The following SMAP1 variants were observed in gnomAD, a reference collection of about 807,000 sequenced individuals.
SMAP1 encodes the protein small ArfGAP 1, also known as stromal membrane-associated protein 1.
Under a neutral mutation model 58.5 loss-of-function variants are expected in SMAP1, and 24 were observed. That is an observed-to-expected ratio of 0.41 (90% CI 0.30 to 0.58). The LOEUF is 0.58. Ranked by LOEUF, SMAP1 falls within the 20% of genes least tolerant of loss-of-function variation. The pLI is 0.29. For synonymous variants in SMAP1, 216 were observed against 196.6 expected, an observed-to-expected ratio of 1.10 and a Z score of -0.82; for missense variants, 563 against 566.3, an observed-to-expected ratio of 0.99 and a Z score of 0.06.
At chr6:70,794,844 A>G (rs1768532694) in intron 5 of SMAP1, among the ~76,000 whole-genome samples, 1 of 139,064 alleles carries the variant, frequency 7.2e-6, no homozygotes, top group South Asian at 2.2e-4. Flanking sequence ...GTTGGAGTGC[A>G]GTGGCACGAT....
chr6:70,794,853 A>G (rs911818361), intron 5 of SMAP1, among the ~76,000 whole-genome samples: 2 of 141,770 alleles, frequency 1.4e-5, no homozygotes, highest in African/African-American at 5.4e-5. Flanking sequence ...CAGTGGCACG[A>G]TCTCAGCTCA....
chr6:70,832,469 T>C (rs559092260), intron 6 of SMAP1, among the ~76,000 whole-genome samples: 22 of 152,368 alleles, frequency 1.4e-4, no homozygotes, highest in African/African-American at 5.3e-4. Flanking sequence ...TATTAGGGGA[T>C]TGCATGTTTT....
intron 6 of SMAP1, among the ~76,000 whole-genome samples, chr6:70,813,666 A>G (rs118060630): frequency 0.023 from 3,573 of 152,204 alleles, 52 homozygotes; most frequent in Non-Finnish European, 0.037. Flanking sequence ...TTAAACTTGT[A>G]GTGTTCTAGA....
chr6:70,732,211 CAT>C (rs753520811), intron 1 of SMAP1, among the ~76,000 whole-genome samples, 165 bp from the exon 2 acceptor site: 3 of 152,148 alleles, frequency 2.0e-5, no homozygotes, highest in Non-Finnish European at 2.9e-5. Context: ...TGCCAAGACA[CAT>C]GTCTTCTTAG....
chr6:70,717,335 C>G (rs190274466), intron 1 of SMAP1, among the ~76,000 whole-genome samples: 4 of 152,172 alleles, frequency 2.6e-5, no homozygotes, highest in East Asian at 1.9e-4. Flanking sequence ...GGAAAACTCA[C>G]GAATACCAAG....
chr6:70,773,865 G>A lies in SMAP1; in HGVS notation c.414+440G>A, dbSNP rs530984106. Among the ~76,000 whole-genome samples the A allele has an allele frequency of 2.5e-4, 38 of 152,264 alleles. 1 individual carries two copies. In the South Asian group the frequency reaches 7.9e-3, roughly 32 times the overall value. ...TGGCATTTACATTTGTTATTAGCAA[G>A]CATTTTGATACTCCTAATAGTTAAG... On this transcript the variant is annotated intron_variant, in intron 4 of 10. Coordinates refer to ENST00000370455, the MANE Select transcript of SMAP1 (RefSeq NM_001044305.3).
intron 6 of SMAP1, among the ~76,000 whole-genome samples, chr6:70,833,247 A>G (rs1049243615): frequency 5.3e-5 from 8 of 152,232 alleles, no homozygotes; most frequent in African/African-American, 1.4e-4. Context: ...GTTTACAATT[A>G]TCAGTGAAGA....
chr6:70,829,972 G>A (rs1026858746), intron 6 of SMAP1, among the ~76,000 whole-genome samples: 1 of 152,130 alleles, frequency 6.6e-6, no homozygotes, highest in African/African-American at 2.4e-5. Context: ...ATTCTGTGGG[G>A]TAGCGTTAAT....
Position 70,793,114 on chromosome 6 carries a change from A to T in SMAP1, c.495+1345A>T, listed in dbSNP as rs529352851. Among the ~76,000 whole-genome samples, 470 of 152,196 alleles carry T rather than the reference A, an allele frequency of 3.1e-3. 3 individuals are homozygous for T. The highest frequency in any genetic ancestry group is 6.3e-3 in the African/African-American group (263 of 41,520). On this transcript the variant is annotated intron_variant, in intron 5 of 10. Transcript: ENST00000370455. ...CAGTGGCGCGATCTCGGCTTACTGCAGCCTCCATCACCTGGGTTCAAGCGA... is the reference window on the plus strand; with the variant it reads ...CAGTGGCGCGATCTCGGCTTACTGCTGCCTCCATCACCTGGGTTCAAGCGA...
At chr6:70,797,642 A>G (rs1582208333) in intron 5 of SMAP1, among the ~76,000 whole-genome samples, 3 of 152,200 alleles carry the variant, frequency 2.0e-5, no homozygotes, top group Admixed American at 1.3e-4. Flanking sequence ...GGAATTGCCA[A>G]TATTATATTT....
chr6:70,808,146 C>T (rs1430516892), intron 6 of SMAP1, among the ~76,000 whole-genome samples: 1 of 152,098 alleles, frequency 6.6e-6, no homozygotes, highest in East Asian at 1.9e-4. Flanking sequence ...GCTGGTCTTC[C>T]TGTCTCAGAG....
At chr6:70,699,573 A>G (rs143950987) in intron 1 of SMAP1, among the ~76,000 whole-genome samples, 1 of 150,880 alleles carries the variant, frequency 6.6e-6, no homozygotes, top group East Asian at 2.0e-4. Context: ...ATTCCACTTA[A>G]TGCACTGTTC....
Position 70,861,466 on chromosome 6 carries a change from T to TA in SMAP1, c.*1133dup, listed in dbSNP as rs1201863705. ...ATGCAGAACAAATGAAGACAAAACA[T>TA]ACATTTTGTACCAACCATCCAATTA... On this transcript the variant is annotated 3_prime_UTR_variant, in exon 11 of 11. Coordinates refer to ENST00000370455, the MANE Select transcript of SMAP1 (RefSeq NM_001044305.3). 1 of 575,020 alleles carries TA rather than the reference T, an allele frequency of 1.7e-6. No individual in the cohort carries two copies. Among genetic ancestry groups the TA allele is most frequent in the Non-Finnish European group, 3.1e-6 (1 of 323,126 alleles). The allele number at this position is 575,020 out of a possible 1,614,324, so 35.6% of individuals were successfully genotyped here. A position where few individuals can be genotyped will look rare whatever the true frequency, so the allele number is the denominator to read the frequency against.
chr6:70,753,371 T>C (rs1439386127), intron 2 of SMAP1, among the ~76,000 whole-genome samples: 4 of 152,166 alleles, frequency 2.6e-5, no homozygotes, highest in African/African-American at 9.6e-5. Flanking sequence ...CAGTGAACTG[T>C]ATCTGAATTA....
At chr6:70,819,980 C>T (rs1196789815) in intron 6 of SMAP1, among the ~76,000 whole-genome samples, 2 of 152,164 alleles carry the variant, frequency 1.3e-5, no homozygotes, top group Admixed American at 6.5e-5. Flanking sequence ...GCTTCAGTCC[C>T]ACTGTCTGCT....
chr6:70,817,046 T>G lies in SMAP1; in HGVS notation c.576+18309T>G, dbSNP rs547526572. 2.0e-5 allele frequency among the ~76,000 whole-genome samples: 3 copies of G among 151,554 alleles called. No homozygotes were observed. The South Asian group carries it at 6.2e-4, about 32-fold the overall frequency. On this transcript the variant is annotated intron_variant, in intron 6 of 10. Transcript: ENST00000370455. ...CAGTTCCATCTCTTCCCACTTCCAA[T>G]CGGTAGATTTTAGTGACAGGACCCC... is the stretch of plus-strand genomic sequence containing the variant.
intron 7 of SMAP1, among the ~76,000 whole-genome samples, chr6:70,844,354 TGTG>T (rs1770911786): frequency 6.6e-6 from 1 of 152,216 alleles, no homozygotes; most frequent in Non-Finnish European, 1.5e-5. Context: ...TGCATGTGTG[TGTG>T]GTGTCTTCTG....
At position 70,860,597 on chromosome 6, in the gene SMAP1, C is replaced by G. The variant is rs1771676104; in HGVS notation, c.*263C>G. 2 of 432,444 alleles carry G rather than the reference C, an allele frequency of 4.6e-6. No individual in the cohort carries two copies. The highest frequency in any genetic ancestry group is 4.1e-5 in the African/African-American group (2 of 49,324). The allele number at this position is 432,444 out of a possible 1,614,324, so 26.8% of individuals were successfully genotyped here. The stretch of plus-strand genomic sequence containing the variant: ...CTGCATTATTTGAGAAGCTGCTCAA[C>G]TTGCAAAATCAGTTTTCCTCTCAAT... On this transcript the variant is annotated 3_prime_UTR_variant, in exon 11 of 11. Coordinates refer to ENST00000370455, the MANE Select transcript of SMAP1 (RefSeq NM_001044305.3).
chr6:70,761,086 T>C (rs1766727719), intron 3 of SMAP1, among the ~76,000 whole-genome samples: 2 of 152,232 alleles, frequency 1.3e-5, no homozygotes, highest in African/African-American at 2.4e-5. Flanking sequence ...GAAGATTTTC[T>C]TCTTTGGGAG....
Sources: allele counts gnomAD v4.1 joint callset (sites outside exome capture counted in the v4.1 genomes callset), GRCh38; gene constraint gnomAD v4.1.1; transcripts MANE v1.5; gene names NCBI Gene and HGNC (gene_info 2026-07-23, HGNC 2026-07-21).